The following METTL15 variants were observed in gnomAD, a reference collection of about 807,000 sequenced individuals.
METTL15 encodes 12S rRNA N(4)-cytidine methyltransferase METTL15.
In METTL15, 34 loss-of-function variants were observed where a neutral mutation model predicts 38.3. The observed-to-expected ratio is 0.89, with a 90% CI of 0.68 to 1.18. The LOEUF (loss-of-function observed/expected upper bound fraction) is 1.18, where lower values mean the gene tolerates loss of function less well. METTL15 is among the 50% of genes most tolerant of loss of function. The pLI, the probability that METTL15 is intolerant of heterozygous loss-of-function variation, is 0.00. For missense variants in METTL15, 438 were observed against 498.4 expected, an observed-to-expected ratio of 0.88 and a Z score of 1.15; for synonymous variants, 162 against 170.9, an observed-to-expected ratio of 0.95 and a Z score of 0.41.
At chr11:28,171,389 T>C (rs1453942841) in intron 3 of METTL15, among the ~76,000 whole-genome samples, 4 of 152,110 alleles carry the variant, frequency 2.6e-5, no homozygotes, top group African/African-American at 9.7e-5. Context: ...ATATTACCCA[T>C]CATATTAGGT....
At chr11:28,489,214 C>T (rs1213478246) in intron 6 of METTL15, among the ~76,000 whole-genome samples, 1 of 152,124 alleles carries the variant, frequency 6.6e-6, no homozygotes, top group Admixed American at 6.6e-5. Flanking sequence ...AGAGACCAGT[C>T]CAGTACAGGC....
chr11:28,469,000 C>G (rs1203191518), intron 6 of METTL15, among the ~76,000 whole-genome samples: 1 of 152,022 alleles, frequency 6.6e-6, no homozygotes, highest in Admixed American at 6.6e-5. Context: ...TTCAAAAGCT[C>G]CAGGGCCTTT....
intron 6 of METTL15, among the ~76,000 whole-genome samples, chr11:28,498,116 T>C (rs1237780776): frequency 6.6e-6 from 1 of 151,612 alleles, no homozygotes; most frequent in Non-Finnish European, 1.5e-5. Flanking sequence ...CATGACTTAA[T>C]CACTTCCCCC....
At chr11:28,390,586 A>G (rs1850493470) in intron 5 of METTL15, among the ~76,000 whole-genome samples, 3 of 152,202 alleles carry the variant, frequency 2.0e-5, no homozygotes, top group East Asian at 1.9e-4. Context: ...CCATTGATCT[A>G]TATCTCTGTT....
At chr11:28,286,067 A>G (rs1856251650) in intron 4 of METTL15, among the ~76,000 whole-genome samples, 1 of 152,152 alleles carries the variant, frequency 6.6e-6, no homozygotes, top group Non-Finnish European at 1.5e-5. Context: ...ATATCTTATT[A>G]TATGAAGAAA....
chr11:28,248,583 A>C (rs992448834), intron 4 of METTL15, among the ~76,000 whole-genome samples: 1 of 152,082 alleles, frequency 6.6e-6, no homozygotes, highest in Non-Finnish European at 1.5e-5. Flanking sequence ...ACATCCATGC[A>C]CATTTTAAAC....
intron 4 of METTL15, among the ~76,000 whole-genome samples, chr11:28,244,923 TATCTTCTATTGGCTGAC>T (rs1445856101): frequency 6.6e-6 from 1 of 152,198 alleles, no homozygotes; most frequent in Non-Finnish European, 1.5e-5. Flanking sequence ...ATTTTGGTAA[TATCTTCTATTGGCTGAC>T]CTTGATAAAA....
In METTL15 at chr11:28,221,392, G is replaced by A. The variant is rs187138997; in HGVS notation, c.407+10194G>A. Among the ~76,000 whole-genome samples, 289 of 152,218 alleles carry A rather than the reference G, an allele frequency of 1.9e-3. 1 individual carries two copies. Among genetic ancestry groups the A allele is most frequent in the African/African-American group, 6.8e-3 (282 of 41,540 alleles). Reference sequence around the variant, plus strand: ...TGTGCATTCGTTACGCAGTTCTCGTGCCATGGTTTTCAGCTCCATCAGGTT... The same window carrying A: ...TGTGCATTCGTTACGCAGTTCTCGTACCATGGTTTTCAGCTCCATCAGGTT... On this transcript the variant is annotated intron_variant, in intron 4 of 6. Coordinates refer to ENST00000407364, the MANE Select transcript of METTL15 (RefSeq NM_001113528.2).
intron 6 of METTL15, among the ~76,000 whole-genome samples, chr11:28,431,987 A>G (rs922955341): frequency 1.3e-5 from 2 of 152,070 alleles, no homozygotes; most frequent in Non-Finnish European, 1.5e-5. Flanking sequence ...CCCAGATTCT[A>G]TTAGGAATGG....
At chr11:28,250,699 A>C (rs1290433951) in intron 4 of METTL15, among the ~76,000 whole-genome samples, 2 of 152,032 alleles carry the variant, frequency 1.3e-5, no homozygotes, top group Non-Finnish European at 2.9e-5. Context: ...TCAAAAGCCA[A>C]ATCAACCTTC....
At chr11:28,194,175 T>TC in intron 3 of METTL15, among the ~76,000 whole-genome samples, 1 of 41,702 alleles carries the variant, frequency 2.4e-5, no homozygotes, top group African/African-American at 1.0e-4. Flanking sequence ...TTTCTTTCTT[T>TC]TTCTCTCTCT....
chr11:28,456,517 C>T (rs192679379), intron 6 of METTL15, among the ~76,000 whole-genome samples: 1 of 151,832 alleles, frequency 6.6e-6, no homozygotes, highest in East Asian at 2.0e-4. Flanking sequence ...TCTCAGCTCT[C>T]TGTAACCTCC....
intron 5 of METTL15, among the ~76,000 whole-genome samples, chr11:28,382,337 G>A (rs1850396331): frequency 6.6e-6 from 1 of 152,148 alleles, no homozygotes; most frequent in African/African-American, 2.4e-5. Flanking sequence ...GTCTCTGGCT[G>A]TCCTCAGGGA....
At chr11:28,296,981 A>G (rs1418591694) in intron 6 of METTL15, 50 bp downstream of exon 6, 2 of 1,590,534 alleles carry the variant, frequency 1.3e-6, no homozygotes, top group South Asian at 1.1e-5. Context: ...TTATATTTAC[A>G]TGTGTGCATG....
At chr11:28,451,617 T>C (rs1216730583) in intron 6 of METTL15, among the ~76,000 whole-genome samples, 7 of 151,768 alleles carry the variant, frequency 4.6e-5, no homozygotes. Flanking sequence ...GGAAATGCAG[T>C]GTGTATATTA....
intron 5 of METTL15, among the ~76,000 whole-genome samples, chr11:28,364,224 A>G (rs911613716): frequency 1.3e-5 from 2 of 152,312 alleles, no homozygotes; most frequent in South Asian, 4.1e-4. Flanking sequence ...GAAAAATGAC[A>G]TTGGTATTTT....
At chr11:28,412,384 A>G (rs955787509) in intron 5 of METTL15, among the ~76,000 whole-genome samples, 2 of 151,640 alleles carry the variant, frequency 1.3e-5, no homozygotes, top group Non-Finnish European at 2.9e-5. Flanking sequence ...TATATATAAT[A>G]TATGAAAATG....
At chr11:28,276,088 C>T (rs1855831863) in intron 4 of METTL15, among the ~76,000 whole-genome samples, 1 of 152,006 alleles carries the variant, frequency 6.6e-6, no homozygotes, top group Admixed American at 6.6e-5. Context: ...TACTGGAAGT[C>T]TTACCCAGAG....
chr11:28,178,273 A>C (rs956784276), intron 3 of METTL15, among the ~76,000 whole-genome samples: 2 of 151,936 alleles, frequency 1.3e-5, no homozygotes, highest in East Asian at 3.9e-4. Flanking sequence ...ATATTAGTAA[A>C]CATAAGTAAA....
Sources: gnomAD v4.1 joint callset for allele counts (sites outside exome capture counted in the v4.1 genomes callset) on GRCh38, gnomAD v4.1.1 for gene constraint, MANE v1.5 for transcripts, NCBI Gene and HGNC (gene_info 2026-07-23, HGNC 2026-07-21) for gene names.